AGRN: variants seen among roughly 807,000 people sequenced by gnomAD.
AGRN encodes agrin proteoglycan.
In AGRN, 106 loss-of-function variants were observed where a neutral mutation model predicts 211.0. The ratio of observed to expected loss-of-function variants is 0.50; its 90% CI spans 0.43 to 0.59. The LOEUF (loss-of-function observed/expected upper bound fraction) is 0.59, where lower values mean the gene tolerates loss of function less well. AGRN is among the 20% of genes least tolerant of loss of function. The pLI is 0.00. For synonymous variants in AGRN, 1,525 were observed against 1,332.5 expected (o/e 1.14, Z -3.15); for missense variants, 3,040 against 2,982.6 (o/e 1.02, Z -0.45).
At position 1,031,421 on chromosome 1, in the gene AGRN, C is replaced by T. The variant is rs1045926542; in HGVS notation, c.464-3856C>T. ...TTTGTCTGAAGATCCCAAAATAGCT[C>T]ATGTCGCCTGAGCTCCCTCCCTGGC... On this transcript the variant is annotated intron_variant, in intron 2 of 35. Coordinates refer to ENST00000379370, the MANE Select transcript of AGRN (RefSeq NM_198576.4). This position sits in a 1 kb window ranked among gnomAD's most constrained non-coding sequence, Gnocchi z 4.8. 1.3e-5 allele frequency among the ~76,000 whole-genome samples: 2 copies of T among 152,148 alleles called. No homozygotes were observed. Among genetic ancestry groups the T allele is most frequent in the African/African-American group, 4.8e-5 (2 of 41,412 alleles).
chr1:1,041,966 G>C lies in AGRN; in HGVS notation c.1188G>C (p.Pro396=), dbSNP rs138841641. The C allele has an allele frequency of 6.2e-7, 1 of 1,611,798 alleles. No homozygotes were observed. The highest frequency in any genetic ancestry group is 1.1e-5 in the South Asian group (1 of 91,064). Reference sequence around the variant, plus strand: ...ACCCCTGCGTCCTAGACCAGTGCCCGGAGCCCTGCCGGTTCAATGCCGTGT... The same window carrying C: ...ACCCCTGCGTCCTAGACCAGTGCCCCGAGCCCTGCCGGTTCAATGCCGTGT... ...SGQCQGRDQC[P]EPCRFNAVCL... The change falls in exon 7 of 36, where the codon CCG becomes CCC. Residue 396 remains proline, a synonymous_variant. Transcript: ENST00000379370.
In AGRN at chr1:1,028,320, GCCCCCC is replaced by G. The variant is rs77046272; in HGVS notation, c.463+5869_463+5874del. 8.9e-3 allele frequency among the ~76,000 whole-genome samples: 936 copies of G among 105,126 alleles called. 15 individuals are homozygous for G. Among genetic ancestry groups the G allele is most frequent in the East Asian group, 0.034 (125 of 3,724 alleles). The allele number at this position is 105,126 out of a possible 152,430, so 69.0% of individuals were successfully genotyped here. ...GCCGTTCTCTCTCCCGTGGGGAAAC[GCCCCCC>G]CCCCCCCCCCGCCCTGCACCTGGCT... is the stretch of plus-strand genomic sequence containing the variant. On this transcript the variant is annotated intron_variant, in intron 2 of 35. Coordinates refer to ENST00000379370, the MANE Select transcript of AGRN (RefSeq NM_198576.4).
chr1:1,046,332 C>G, intron 17 of AGRN, 65 bp from the exon 18 acceptor site: 1 of 1,608,526 alleles, frequency 6.2e-7, no homozygotes. Context: ...AATCCAGCCC[C>G]ACCCGCCCTG....
At chr1:1,021,808 C>T (rs1570130169) in intron 1 of AGRN, among the ~76,000 whole-genome samples, 1 of 152,264 alleles carries the variant, frequency 6.6e-6, no homozygotes, top group African/African-American at 2.4e-5. Flanking sequence ...CATCCCCCTC[C>T]TCCACTGCCC....
At position 1,055,884 on chromosome 1, in the gene AGRN, A is replaced by T. The variant is rs1645436451; in HGVS notation, c.*903A>T. ...CCAGGGGCCAGCCAGTGTCTGACCA[A>T]GGTCAAGGGGCAGGTGCAGAGGTGG... On this transcript the variant is annotated 3_prime_UTR_variant, in exon 36 of 36. Transcript: ENST00000379370. 1 of 152,332 alleles carries T rather than the reference A, an allele frequency of 6.6e-6. No homozygotes were observed. The highest frequency in any genetic ancestry group is 2.4e-5 in the African/African-American group (1 of 41,464). 9.4% of individuals were successfully genotyped at this position (152,332 alleles called of 1,614,324 possible).
chr1:1,043,425 G>C lies in AGRN; in HGVS notation c.1571G>C (p.Arg524Pro), dbSNP rs759469134. ...GAGGCCACGGCCTGTACCCTCGGGC[G>C]GGAGATCCAGGTGGCGCGCAAAGGA... Reference protein sequence around the residue: ...ELEATACTLGREIQVARKGPC... With the variant: ...ELEATACTLGPEIQVARKGPC... The change falls in exon 8 of 36, where the codon CGG (arginine) becomes CCG (proline). Residue 524 changes from arginine to proline, a missense_variant. Around this residue, in one of 3 missense-constraint regions of AGRN, gnomAD observed 1,498 missense variants for 1,457.8 expected, o/e 1.03. Transcript: ENST00000379370. The C allele has an allele frequency of 6.2e-7, 1 of 1,607,076 alleles. No individual in the cohort carries two copies. Among genetic ancestry groups the C allele is most frequent in the Non-Finnish European group, 8.5e-7 (1 of 1,178,328 alleles).
At chr1:1,041,001 GC>G (rs1403597007) in intron 4 of AGRN, 121 bp downstream of exon 4, 23 of 341,588 alleles carry the variant, frequency 6.7e-5, no homozygotes, top group Admixed American at 3.2e-4. Context: ...GCGGGGAGGA[GC>G]GGGGCTGGGA....
Position 1,044,459 on chromosome 1 carries a change from G to A in AGRN, c.2254+20G>A, listed in dbSNP as rs749805082. 1.1e-5 allele frequency: 18 copies of A among 1,595,118 alleles called. No homozygotes were observed. Among genetic ancestry groups the A allele is most frequent in the Non-Finnish European group, 1.5e-5 (17 of 1,171,620 alleles). On this transcript the variant is annotated intron_variant, in intron 12 of 35. Coordinates refer to ENST00000379370, the MANE Select transcript of AGRN (RefSeq NM_198576.4). ...GCCGAGGTGAGCCGGCTGCACGTGG[G>A]GTCTCAGGCACAGGCGGGGCGGCGT...
intron 1 of AGRN, among the ~76,000 whole-genome samples, chr1:1,021,461 C>T (rs1644401442): frequency 1.3e-5 from 2 of 152,240 alleles, no homozygotes; most frequent in African/African-American, 4.8e-5. Context: ...AGTGGACAGG[C>T]CAACCATTGT....
chr1:1,046,387 C>G lies in AGRN; in HGVS notation c.2912-10C>G. ...AACCGGTCCCCCCGCCAACCTCCCT[C>G]TCCTTGCAGAGGCTGTTGCTCCCAG... On this transcript the variant is annotated splice_polypyrimidine_tract_variant and intron_variant, in intron 17 of 35. Coordinates refer to ENST00000379370, the MANE Select transcript of AGRN (RefSeq NM_198576.4). The G allele has an allele frequency of 1.2e-6, 2 of 1,610,708 alleles. No individual in the cohort carries two copies. The highest frequency in any genetic ancestry group is 1.1e-5 in the South Asian group (1 of 90,896).
In AGRN at chr1:1,043,684, G is replaced by A. The variant is rs1329380952; in HGVS notation, c.1750G>A (p.Ala584Thr). The A allele has an allele frequency of 1.2e-5, 20 of 1,600,750 alleles. No individual in the cohort carries two copies. The highest frequency in any genetic ancestry group is 8.3e-5 in the Admixed American group (5 of 60,004). The change falls in exon 9 of 36, where the codon GCC (alanine) becomes ACC (threonine). Residue 584 changes from alanine to threonine, a missense_variant. Physicochemically the swap from Ala to Thr is moderately conservative, Grantham distance 58 (BLOSUM62 0). Around this residue, in one of 3 missense-constraint regions of AGRN, gnomAD observed 1,498 missense variants for 1,457.8 expected, o/e 1.03. Coordinates refer to ENST00000379370, the MANE Select transcript of AGRN (RefSeq NM_198576.4). ...YPSECMLHVH[A>T]CTHQISLHVA... ...CAGCGAGTGCATGCTGCACGTGCAC[G>A]CCTGCACACACCAGATCAGCCTGCA...
Position 1,045,148 on chromosome 1 carries a change from C to T in AGRN, c.2255-13C>T. ...CACTGCATGAAATCTGAGTCCCGTA[C>T]CCTTTCCTGCAGGCCCCACCTTCGC... On this transcript the variant is annotated splice_polypyrimidine_tract_variant and intron_variant, in intron 12 of 35. Coordinates refer to ENST00000379370, the MANE Select transcript of AGRN (RefSeq NM_198576.4). 6.2e-7 allele frequency: 1 copy of T among 1,610,864 alleles called. No homozygotes were observed. Among genetic ancestry groups the T allele is most frequent in the East Asian group, 2.2e-5 (1 of 44,858 alleles).
chr1:1,052,312 CTG>C (rs1645319641), intron 33 of AGRN: 1 of 351,532 alleles, frequency 2.8e-6, no homozygotes, highest in East Asian at 7.5e-5. Context: ...GAACATGCAG[CTG>C]TGTCTGTGCG....
At chr1:1,051,900 A>G (rs1645305036) in intron 33 of AGRN, 85 bp downstream of exon 33, 2 of 1,567,114 alleles carry the variant, frequency 1.3e-6, no homozygotes, top group Admixed American at 3.8e-5. Context: ...AGGGCCCAGG[A>G]GGGGACGGCC....
chr1:1,040,596 G>T lies in AGRN; in HGVS notation c.512-69G>T, dbSNP rs1393555127. The T allele has an allele frequency of 3.9e-6, 6 of 1,521,848 alleles. No homozygotes were observed. The East Asian group carries it at 1.2e-4, about 31-fold the overall frequency. The allele number at this position is 1,521,848 out of a possible 1,614,324, so 94.3% of individuals were successfully genotyped here. A position where few individuals can be genotyped will look rare whatever the true frequency, so the allele number is the denominator to read the frequency against. On this transcript the variant is annotated intron_variant, in intron 3 of 35. Transcript: ENST00000379370. ...ATGCGCGGGCTGCGAGCACGGCAAG[G>T]TCTCTCAGGCTTGTGGACGTGGGTA...
chr1:1,020,204 G>A lies in AGRN; in HGVS notation c.32G>A (p.Arg11Gln). 1.5e-6 allele frequency: 2 copies of A among 1,368,218 alleles called. No homozygotes were observed. The highest frequency in any genetic ancestry group is 1.9e-6 in the Non-Finnish European group (2 of 1,064,308). The allele number at this position is 1,368,218 out of a possible 1,614,324, so 84.8% of individuals were successfully genotyped here. The change falls in exon 1 of 36, where the codon CGG becomes CAG. Residue 11 changes from arginine to glutamine, a missense_variant. Around this residue, in one of 3 missense-constraint regions of AGRN, gnomAD observed 1,498 missense variants for 1,457.8 expected, o/e 1.03. Transcript: ENST00000379370. ...GGCCGGTCCCACCCGGGCCCGCTGC[G>A]GCCGCTGCTGCCGCTCCTTGTGGTG... Reference protein sequence around the residue: MAGRSHPGPLRPLLPLLVVAA... With the variant: MAGRSHPGPLQPLLPLLVVAA...
In AGRN at chr1:1,048,438, C is replaced by T; in HGVS notation, c.4105+73C>T. The T allele has an allele frequency of 8.2e-7, 1 of 1,214,976 alleles. No homozygotes were observed. The highest frequency in any genetic ancestry group is 1.6e-5 in the South Asian group (1 of 60,662). 75.3% of individuals were successfully genotyped at this position (1,214,976 alleles called of 1,614,324 possible). On this transcript the variant is annotated intron_variant, in intron 23 of 35. Transcript: ENST00000379370. This position sits in a 1 kb window ranked among gnomAD's most constrained non-coding sequence, Gnocchi z 5.9. ...GCAAGGATTGGGGGTGGGGCTAAGC[C>T]ACCATCAGGCTTTGAGTTGGGGGCA...
intron 7 of AGRN, 45 bp downstream of exon 7, chr1:1,042,207 C>T (rs376234981): frequency 4.0e-5 from 63 of 1,557,172 alleles, no homozygotes; most frequent in South Asian, 2.6e-4. Flanking sequence ...GCTGCTCCTG[C>T]GTCAGTCCCT....
intron 3 of AGRN, among the ~76,000 whole-genome samples, chr1:1,038,366 C>G (rs1644850581): frequency 1.3e-5 from 2 of 152,342 alleles, no homozygotes; most frequent in South Asian, 4.1e-4. Context: ...GGTCCAGCAG[C>G]TGGTCACTCA....
Sources: allele counts gnomAD v4.1 joint callset (sites outside exome capture counted in the v4.1 genomes callset), GRCh38; gene constraint gnomAD v4.1.1; regional missense constraint gnomAD v4.1.1; non-coding constraint Gnocchi (gnomAD v3.1); transcripts MANE v1.5; gene names NCBI Gene and HGNC (gene_info 2026-07-23, HGNC 2026-07-21).